The following NOX5 variants were observed in gnomAD, a reference collection of about 807,000 sequenced individuals.
NOX5 encodes the protein NADPH oxidase, EF-hand calcium binding domain 5.
In NOX5, 76 loss-of-function variants were observed where a neutral mutation model predicts 85.7. The ratio of observed to expected loss-of-function variants is 0.89; its 90% confidence interval spans 0.74 to 1.07. The LOEUF (loss-of-function observed/expected upper bound fraction) is 1.07, where lower values mean the gene tolerates loss of function less well. Ranked by LOEUF, NOX5 falls within the 50% of genes least tolerant of loss-of-function variation. The pLI is 0.00. For missense variants in NOX5, 973 were observed against 999.5 expected (o/e 0.97, Z 0.36); for synonymous variants, 405 against 401.4 (o/e 1.01, Z -0.11).
intron 8 of NOX5, 81 bp downstream of exon 8, chr15:69,037,291 G>A (rs1022463199): frequency 1.5e-6 from 2 of 1,332,534 alleles, no homozygotes; most frequent in Non-Finnish European, 2.1e-6. Context: ...TGGATACCCT[G>A]TCAGACCCCC....
At chr15:69,055,882 A>G (rs1484554294) in intron 15 of NOX5, among the ~76,000 whole-genome samples, 1 of 152,134 alleles carries the variant, frequency 6.6e-6, no homozygotes, top group Non-Finnish European at 1.5e-5. Flanking sequence ...ATCGTTTGCA[A>G]TCCTTTTATT....
intron 14 of NOX5, among the ~76,000 whole-genome samples, chr15:69,051,506 A>C (rs1205577436): frequency 6.6e-6 from 1 of 152,054 alleles, no homozygotes; most frequent in Non-Finnish European, 1.5e-5. Flanking sequence ...CAGCCTGCTA[A>C]GTAACTGAGA....
intron 10 of NOX5, 97 bp downstream of exon 10, chr15:69,042,902 C>G: frequency 7.6e-7 from 1 of 1,315,092 alleles, no homozygotes. Context: ...TATTGAGCAA[C>G]TGCTGTGTAC....
At chr15:69,041,854 A>AT (rs375447758) in intron 9 of NOX5, among the ~76,000 whole-genome samples, 3 of 151,606 alleles carry the variant, frequency 2.0e-5, no homozygotes, top group African/African-American at 7.3e-5. Flanking sequence ...ACATGATGAG[A>AT]TTTTTTTGTT....
rs2140271225 is a variant in NOX5 at position 69,042,692 on chromosome 15, G to A, written c.1534G>A (p.Gly512Ser). The A allele has an allele frequency of 1.2e-6, 2 of 1,613,954 alleles. No individual in the cohort carries two copies. The highest frequency in any genetic ancestry group is 4.5e-5 in the East Asian group (2 of 44,874). The change falls in exon 10 of 16, where the codon GGC becomes AGC. Residue 512 changes from glycine to serine, a missense_variant. By Grantham distance (56) the Gly-to-Ser change is moderately conservative (BLOSUM62 0). Transcript: ENST00000388866. ...TATCTGGCTGCACATTCGGTCCCAA[G>A]GCCAGTGGACAAACAGGCTGTATGA... ...DTIWLHIRSQ[G>S]QWTNRLYESF...
At chr15:69,033,314 A>G in intron 5 of NOX5, 37 bp downstream of exon 5, 1 of 1,577,192 alleles carries the variant, frequency 6.3e-7, no homozygotes, top group Non-Finnish European at 8.5e-7. Context: ...TGAAAATGTT[A>G]ATTAGGAGCC....
intron 1 of NOX5, chr15:69,022,773 G>A (rs946642481): frequency 4.9e-6 from 1 of 203,518 alleles, no homozygotes; most frequent in African/African-American, 2.4e-5. Context: ...CATCTGCAGT[G>A]TGTCAGAAGG....
intron 1 of NOX5, among the ~76,000 whole-genome samples, chr15:69,020,549 A>G (rs1319163512): frequency 6.6e-6 from 1 of 152,012 alleles, no homozygotes; most frequent in Non-Finnish European, 1.5e-5. Flanking sequence ...AATAACAATT[A>G]TAAATACAAT....
chr15:69,027,857 G>T (rs1177067034), intron 2 of NOX5, among the ~76,000 whole-genome samples: 1 of 152,170 alleles, frequency 6.6e-6, no homozygotes, highest in Non-Finnish European at 1.5e-5. Context: ...GGAGCCTGCA[G>T]GAGGACCCTC....
At position 69,055,469 on chromosome 15, in the gene NOX5, G is replaced by T. The variant is rs144201182; in HGVS notation, c.2135G>T (p.Arg712Leu). 3.1e-6 allele frequency: 5 copies of T among 1,614,106 alleles called. No individual in the cohort carries two copies. In the Admixed American group the frequency reaches 5.0e-5, roughly 16 times the overall value. ...KKDSITGLQT[R>L]TQPGRPDWSK... The stretch of plus-strand genomic sequence containing the variant: ...GACTCCATCACGGGGCTGCAGACGC[G>T]CACCCAGCCTGGGCGGCCTGACTGG... The change falls in exon 15 of 16, where the codon CGC becomes CTC. Residue 712 changes from arginine (R) to leucine (L), a missense_variant. Transcript: ENST00000388866.
intron 12 of NOX5, 79 bp from the exon 13 acceptor site, chr15:69,047,751 C>T: frequency 6.7e-7 from 1 of 1,497,690 alleles, no homozygotes; most frequent in Non-Finnish European, 9.3e-7. Context: ...ATCCTTGCTC[C>T]CTGTCCCCTG....
rs944022462 is a variant in NOX5 at position 69,038,784 on chromosome 15, T to C, written c.1372-73T>C. On this transcript the variant is annotated intron_variant, in intron 8 of 15. Transcript: ENST00000388866. ...TGGAGGAGGAGGGCAGCCCAGCTTC[T>C]GCCCTCTTGTCCTGTAGCCCCTGGT... 33 of 1,609,894 alleles carry C rather than the reference T, an allele frequency of 2.0e-5. 1 individual carries two copies. In the African/African-American group the frequency reaches 3.9e-4, roughly 19 times the overall value.
At chr15:69,027,108 G>C (rs2140252324) in intron 2 of NOX5, among the ~76,000 whole-genome samples, 1 of 152,244 alleles carries the variant, frequency 6.6e-6, no homozygotes, top group South Asian at 2.1e-4. Context: ...GACTGAGTCT[G>C]AAATGCCAGC....
chr15:69,014,870 A>G (rs1003747828), intron 1 of NOX5, 85 bp downstream of exon 1: 2 of 1,004,588 alleles, frequency 2.0e-6, no homozygotes, highest in South Asian at 2.8e-5. Flanking sequence ...ACAAAAGGTA[A>G]CTGTGTCTGC....
In NOX5 at chr15:69,055,355, T is replaced by C. The variant is rs770064522; in HGVS notation, c.2021T>C (p.Met674Thr). The C allele has an allele frequency of 4.3e-6, 7 of 1,614,152 alleles. No individual in the cohort carries two copies. In the Admixed American group the frequency reaches 1.2e-4, roughly 27 times the overall value. ...ACAGGCCGCTTCCTGGAGCTGCATA[T>C]GTACATGACATCTGCACTGGGCAAG... ...AQYGRFLELH[M>T]YMTSALGKND... is the part of the protein sequence containing the mutation. Residue 674 changes from methionine (M) to threonine (T), a missense_variant, in exon 15 of 16, where the codon ATG (methionine) becomes ACG (threonine). Physicochemically the swap from Met to Thr is moderately conservative, Grantham distance 81. Coordinates refer to ENST00000388866, the MANE Select transcript of NOX5 (RefSeq NM_024505.4).
chr15:69,033,212 G>A lies in NOX5; in HGVS notation c.790G>A (p.Gly264Ser), dbSNP rs1004718674. 3 of 1,597,300 alleles carry A rather than the reference G, an allele frequency of 1.9e-6. No individual in the cohort carries two copies. The highest frequency in any genetic ancestry group is 2.5e-6 in the Non-Finnish European group (3 of 1,178,922). Residue 264 changes from glycine to serine, a missense_variant, in exon 5 of 16, where the codon GGC becomes AGC. Coordinates refer to ENST00000388866, the MANE Select transcript of NOX5 (RefSeq NM_024505.4). ...GLAASAHRDL[G>S]ASVMVAKGCG... ...GGCGGCCAGCGCGCACCGGGACCTC[G>A]GCGCCAGCGTCATGGTGGCCAAGGG...
intron 1 of NOX5, among the ~76,000 whole-genome samples, chr15:69,020,500 A>G (rs751637918): frequency 6.6e-6 from 1 of 152,076 alleles, no homozygotes; most frequent in Non-Finnish European, 1.5e-5. Flanking sequence ...TTCTGTGTAG[A>G]CATTTTGCCA....
Position 69,062,492 on chromosome 15 carries a change from A to G in NOX5, c.*5796A>G, listed in dbSNP as rs1157296780. Reference sequence around the variant, plus strand: ...ATGAAGATCTGCTACCATTACAGCCAGTATTACCTGGCCCTTGCCTACCTC... The same window carrying G: ...ATGAAGATCTGCTACCATTACAGCCGGTATTACCTGGCCCTTGCCTACCTC... On this transcript the variant is annotated 3_prime_UTR_variant, in exon 16 of 16. Transcript: ENST00000388866. 6.6e-6 allele frequency: 1 copy of G among 152,158 alleles called. No homozygotes were observed. The highest frequency in any genetic ancestry group is 2.4e-5 in the African/African-American group (1 of 41,434). The allele number at this position is 152,158 out of a possible 1,614,324, so 9.4% of individuals were successfully genotyped here.
intron 7 of NOX5, among the ~76,000 whole-genome samples, chr15:69,036,548 A>G (rs2050518713): frequency 6.6e-6 from 1 of 152,174 alleles, no homozygotes; most frequent in Non-Finnish European, 1.5e-5. Context: ...GCCAGCAACA[A>G]GCCTTTGAAG....
Sources: allele counts gnomAD v4.1 joint callset (sites outside exome capture counted in the v4.1 genomes callset), GRCh38; gene constraint gnomAD v4.1.1; transcripts MANE v1.5; gene names NCBI Gene and HGNC (gene_info 2026-07-23, HGNC 2026-07-21).